The following ADK variants were observed in gnomAD, a reference collection of about 807,000 sequenced individuals.
ADK encodes adenosine kinase, also known as N6,N6-dimethyladenosine kinase.
ADK carries 24 observed loss-of-function variants against 44.7 expected under a neutral mutation model. The ratio of observed to expected loss-of-function variants is 0.54; its 90% CI spans 0.39 to 0.76. ADK has a LOEUF of 0.76. Ranked by LOEUF, ADK falls within the 30% of genes least tolerant of loss-of-function variation. ADK has a pLI of 0.00. For synonymous variants in ADK, 128 were observed against 142.6 expected (o/e 0.90, Z 0.73); for missense variants, 321 against 425.1 (o/e 0.76, Z 2.15).
intron 3 of ADK, among the ~76,000 whole-genome samples, chr10:74,296,618 T>G (rs1839824948): frequency 6.6e-6 from 1 of 151,298 alleles, no homozygotes. Flanking sequence ...TTTTTTTTTT[T>G]TCTTTTTTTT....
chr10:74,265,615 C>A (rs1846186773), intron 3 of ADK, among the ~76,000 whole-genome samples: 1 of 84,862 alleles, frequency 1.2e-5, no homozygotes, highest in African/African-American at 3.2e-5. Context: ...GAGTGAAAAA[C>A]AATCACTTTA....
chr10:74,593,122 T>C (rs1342803142), intron 8 of ADK, among the ~76,000 whole-genome samples: 2 of 152,148 alleles, frequency 1.3e-5, no homozygotes, highest in Admixed American at 6.5e-5. Flanking sequence ...AATAGTGCAA[T>C]GAATGATCAC....
chr10:74,342,984 T>A (rs1396171455), intron 4 of ADK, among the ~76,000 whole-genome samples: 1 of 152,198 alleles, frequency 6.6e-6, no homozygotes, highest in Non-Finnish European at 1.5e-5. Flanking sequence ...TCCCCCTTCC[T>A]TAATTGCTGT....
chr10:74,444,025 A>G (rs1845512266), intron 6 of ADK, among the ~76,000 whole-genome samples: 1 of 152,098 alleles, frequency 6.6e-6, no homozygotes, highest in Non-Finnish European at 1.5e-5. Context: ...AAAGAATCAT[A>G]CCAGAGCTTT....
intron 6 of ADK, among the ~76,000 whole-genome samples, chr10:74,505,570 TTGACTC>T (rs1437797963): frequency 6.6e-6 from 1 of 150,708 alleles, no homozygotes; most frequent in Non-Finnish European, 1.5e-5. Context: ...ATATCCTTGA[TTGACTC>T]TGTTGTAAAT....
chr10:74,584,156 T>G (rs1349518066), intron 7 of ADK, among the ~76,000 whole-genome samples: 1 of 152,198 alleles, frequency 6.6e-6, no homozygotes, highest in East Asian at 1.9e-4. Context: ...TTTTGAAGAC[T>G]GCCTCCTACA....
chr10:74,221,084 C>G (rs1336328571), intron 2 of ADK, among the ~76,000 whole-genome samples: 3 of 147,408 alleles, frequency 2.0e-5, no homozygotes, highest in Admixed American at 6.7e-5. Context: ...CAAATTGTCC[C>G]TGTTTGCAGA....
At chr10:74,573,561 G>A (rs1230139023) in intron 7 of ADK, among the ~76,000 whole-genome samples, 1 of 152,212 alleles carries the variant, frequency 6.6e-6, no homozygotes, top group Non-Finnish European at 1.5e-5. Flanking sequence ...ATTTAAGTCT[G>A]CAGAGGTTAC....
At chr10:74,435,560 T>A (rs1009117078) in intron 6 of ADK, among the ~76,000 whole-genome samples, 1 of 152,324 alleles carries the variant, frequency 6.6e-6, no homozygotes, top group African/African-American at 2.4e-5. Flanking sequence ...GAAAAACATT[T>A]GTTTATACAT....
rs186278490 is a variant in ADK, at chr10:74,300,767, T to C, written c.195-13900T>C. ...GTTATTTGACAGCAGCTAATGTAGT[T>C]TGAATCACAAGTAATGTCAAGCTGC... On this transcript the variant is annotated intron_variant, in intron 3 of 10. Transcript: ENST00000539909. Among the ~76,000 whole-genome samples, 4 of 152,342 alleles carry C rather than the reference T, an allele frequency of 2.6e-5. No individual in the cohort carries two copies. In the East Asian group the frequency reaches 7.7e-4, roughly 29 times the overall value.
intron 2 of ADK, among the ~76,000 whole-genome samples, chr10:74,214,445 G>A (rs1843940854): frequency 6.6e-6 from 1 of 152,152 alleles, no homozygotes; most frequent in Non-Finnish European, 1.5e-5. Context: ...TAGATTTATA[G>A]AAATTTTACT....
At chr10:74,465,854 T>C (rs888970066) in intron 6 of ADK, among the ~76,000 whole-genome samples, 1 of 152,154 alleles carries the variant, frequency 6.6e-6, no homozygotes, top group Non-Finnish European at 1.5e-5. Context: ...CCATAGTGTA[T>C]AAGTGATAGG....
chr10:74,289,356 A>G (rs2132473486), intron 3 of ADK, among the ~76,000 whole-genome samples: 1 of 152,276 alleles, frequency 6.6e-6, no homozygotes. Context: ...TGAAGGAACT[A>G]CATTTTTGAT....
chr10:74,648,604 G>C (rs900888616), intron 9 of ADK, among the ~76,000 whole-genome samples: 1 of 150,448 alleles, frequency 6.6e-6, no homozygotes. Flanking sequence ...CTTGAACCTG[G>C]GAGGCGGAGG....
chr10:74,555,736 A>T (rs1415557054), intron 7 of ADK, among the ~76,000 whole-genome samples: 1 of 152,226 alleles, frequency 6.6e-6, no homozygotes, highest in African/African-American at 2.4e-5. Flanking sequence ...AAGGATGATC[A>T]TGTCTTGGGA....
chr10:74,630,873 TTATTAA>T (rs1853387552), intron 9 of ADK, among the ~76,000 whole-genome samples: 1 of 151,980 alleles, frequency 6.6e-6, no homozygotes, highest in Non-Finnish European at 1.5e-5. Flanking sequence ...AATTATACAC[TTATTAA>T]TAGAGAAGAG....
At chr10:74,446,280 C>T (rs899241311) in intron 6 of ADK, among the ~76,000 whole-genome samples, 2 of 152,070 alleles carry the variant, frequency 1.3e-5, no homozygotes, top group Admixed American at 6.5e-5. Context: ...TTCCAACCTT[C>T]CCCCTCTCCA....
At chr10:74,489,244 C>A (rs1479650274) in intron 6 of ADK, among the ~76,000 whole-genome samples, 2 of 151,832 alleles carry the variant, frequency 1.3e-5, no homozygotes, top group Non-Finnish European at 2.9e-5. Context: ...AATAAGTTCT[C>A]CAATGTAGAA....
rs529999431 is a variant in ADK, at chr10:74,676,020, C to T, written c.964+5751C>T. Reference sequence around the variant, plus strand: ...CTCAGATAAAAGACTAGAGACTTCACCCAAGAACCAACATTCTTAGAATTA... The same window carrying T: ...CTCAGATAAAAGACTAGAGACTTCATCCAAGAACCAACATTCTTAGAATTA... On this transcript the variant is annotated intron_variant, in intron 10 of 10. Transcript: ENST00000539909. 1.2e-4 allele frequency among the ~76,000 whole-genome samples: 18 copies of T among 147,238 alleles called. No individual in the cohort carries two copies. In the South Asian group the frequency reaches 4.0e-3, roughly 33 times the overall value.
Sources: allele counts gnomAD v4.1 joint callset (sites outside exome capture counted in the v4.1 genomes callset), GRCh38; gene constraint gnomAD v4.1.1; transcripts MANE v1.5; gene names NCBI Gene and HGNC (gene_info 2026-07-23, HGNC 2026-07-21).